The following TBL1Y variants were observed in gnomAD, a reference collection of about 807,000 sequenced individuals.
TBL1Y encodes transducin beta like 1 Y-linked.
TBL1Y carries 15 observed loss-of-function variants against 12.0 expected under a neutral mutation model. The observed-to-expected ratio is 1.25, with a 90% CI of 0.83 to 1.92. The LOEUF (loss-of-function observed/expected upper bound fraction) is 1.92, where lower values mean the gene tolerates loss of function less well. TBL1Y is among the 40% of genes most tolerant of loss of function. The probability of loss-of-function intolerance (pLI) is 0.00; values close to 1 mark genes in which losing one functional copy is unlikely to be tolerated. For synonymous variants in TBL1Y, 53 were observed against 42.6 expected (o/e 1.24, Z -0.95); for missense variants, 148 against 116.7 (o/e 1.27, Z -1.24).
chrY:6,966,833 TTCTCTC>T (rs1569363835), intron 2 of TBL1Y, among the ~76,000 whole-genome samples: 11 of 31,116 alleles, frequency 3.5e-4, no homozygotes, highest in African/African-American at 1.1e-3. Flanking sequence ...CAGAGCAGTC[TTCTCTC>T]TCTCTCTCTC....
At chrY:7,023,290 G>A in intron 5 of TBL1Y, among the ~76,000 whole-genome samples, 1 of 32,761 alleles carries the variant, frequency 3.1e-5, no homozygotes, top group Non-Finnish European at 7.4e-5. Flanking sequence ...GATGTGTGTG[G>A]TTTCAACACA....
chrY:7,031,003 A>C, intron 6 of TBL1Y, among the ~76,000 whole-genome samples: 2 of 33,555 alleles, frequency 6.0e-5, no homozygotes, highest in Non-Finnish European at 1.5e-4. Context: ...GATAAGAGAC[A>C]GATAATAATA....
chrY:6,985,564 T>C, intron 3 of TBL1Y, among the ~76,000 whole-genome samples: 1 of 32,743 alleles, frequency 3.1e-5, no homozygotes, highest in Non-Finnish European at 7.5e-5. Context: ...GGCCCATAAC[T>C]TTCAGATGGT....
chrY:7,069,588 A>G (rs761821622), intron 8 of TBL1Y, among the ~76,000 whole-genome samples: 1 of 33,618 alleles, frequency 3.0e-5, no homozygotes, highest in Admixed American at 2.7e-4. Flanking sequence ...TGCTAGCCAC[A>G]CTTTATTTAT....
At chrY:6,971,410 C>G (rs2012205541) in intron 2 of TBL1Y, among the ~76,000 whole-genome samples, 1 of 32,520 alleles carries the variant, frequency 3.1e-5, no homozygotes, top group South Asian at 7.3e-4. Context: ...ACTTAAGAAA[C>G]CAGCCATAGA....
chrY:7,042,919 G>T, intron 6 of TBL1Y, 61 bp from the exon 7 acceptor site: 1 of 396,955 alleles, frequency 2.5e-6, no homozygotes, highest in Non-Finnish European at 3.5e-6. Context: ...GATCTCAATG[G>T]CTGCGCGTCC....
chrY:7,085,945 G>A lies in TBL1Y; in HGVS notation c.1125G>A (p.Ala375=), dbSNP rs776363567. The A allele has an allele frequency of 1.0e-5, 4 of 395,780 alleles. No individual in the cohort carries two copies. The highest frequency in any genetic ancestry group is 6.5e-5 in the African/African-American group (1 of 15,476). Residue 375 remains alanine (A), a synonymous_variant, in exon 15 of 19, where the codon GCG becomes GCA. Transcript: ENST00000383032. ...IKWDPSGMLL[A]SCSDDMTLKI... ...GGGATCCTTCTGGAATGTTGCTGGC[G>A]TCCTGCTCGGATGACATGACATTGA...
At chrY:7,003,865 T>C (rs2012468428) in intron 4 of TBL1Y, among the ~76,000 whole-genome samples, 1 of 33,242 alleles carries the variant, frequency 3.0e-5, no homozygotes, top group African/African-American at 1.2e-4. Context: ...TCCTCCTTTT[T>C]TTCTGACTGT....
intron 2 of TBL1Y, among the ~76,000 whole-genome samples, chrY:6,967,089 G>T: frequency 3.0e-5 from 1 of 33,233 alleles, no homozygotes; most frequent in Non-Finnish European, 7.4e-5. Context: ...CAGGGTGGTG[G>T]CCTCTGCGCA....
intron 4 of TBL1Y, among the ~76,000 whole-genome samples, chrY:7,002,804 C>T (rs981284438): frequency 3.0e-5 from 1 of 33,672 alleles, no homozygotes; most frequent in African/African-American, 1.2e-4. Flanking sequence ...GGGATATCTT[C>T]GTTTGCAGCT....
At position 7,058,042 on chromosome Y, in the gene TBL1Y, T is replaced by C. The variant is rs371121392; in HGVS notation, c.205-5855T>C. 4.8e-3 allele frequency among the ~76,000 whole-genome samples: 165 copies of C among 34,041 alleles called. No individual in the cohort carries two copies. In the South Asian group the frequency reaches 0.076, roughly 16 times the overall value. The allele number at this position is 34,041 out of a possible 37,273, so 91.3% of individuals were successfully genotyped here. On this transcript the variant is annotated intron_variant, in intron 7 of 18. Transcript: ENST00000383032. ...GACTCTAATTGTATCTAAAAAGATGTGAGAGTCAAAAGACCCTTAAGGGGC... is the reference window on the plus strand; with the variant it reads ...GACTCTAATTGTATCTAAAAAGATGCGAGAGTCAAAAGACCCTTAAGGGGC...
chrY:6,995,188 A>T (rs184049485), intron 3 of TBL1Y, among the ~76,000 whole-genome samples: 21 of 32,338 alleles, frequency 6.5e-4, no homozygotes, highest in African/African-American at 2.5e-3. Flanking sequence ...CTCTTACTTT[A>T]ACTTACTGCA....
chrY:7,087,782 C>T (rs1008579632), intron 17 of TBL1Y, among the ~76,000 whole-genome samples: 26 of 33,166 alleles, frequency 7.8e-4, no homozygotes, highest in Non-Finnish European at 3.0e-4. Flanking sequence ...CCTTCCTCTT[C>T]CTCTTCTTAG....
intron 17 of TBL1Y, among the ~76,000 whole-genome samples, chrY:7,089,588 C>T: frequency 3.0e-4 from 10 of 33,309 alleles, no homozygotes; most frequent in African/African-American, 8.2e-4. Context: ...GTTGGGAGTT[C>T]GAGACCAGCC....
At chrY:6,930,533 T>C (rs113077311) in intron 2 of TBL1Y, among the ~76,000 whole-genome samples, 4 of 33,571 alleles carry the variant, frequency 1.2e-4, no homozygotes, top group African/African-American at 4.7e-4. Flanking sequence ...TGAAGCCAGC[T>C]GGGCTTCTGA....
intron 3 of TBL1Y, among the ~76,000 whole-genome samples, chrY:6,984,642 C>T (rs2012306012): frequency 3.0e-5 from 1 of 33,633 alleles, no homozygotes; most frequent in Admixed American, 2.7e-4. Flanking sequence ...TGGTACCACT[C>T]GAACCTCTTT....
chrY:6,973,708 C>T (rs2012222180), intron 2 of TBL1Y, among the ~76,000 whole-genome samples: 1 of 33,118 alleles, frequency 3.0e-5, no homozygotes, highest in Non-Finnish European at 7.4e-5. Context: ...ACATTCTCTG[C>T]AGATGTTGCT....
intron 3 of TBL1Y, among the ~76,000 whole-genome samples, chrY:6,988,533 G>A: frequency 9.8e-5 from 3 of 30,757 alleles, no homozygotes; most frequent in Admixed American, 6.1e-4. Flanking sequence ...GGAGGTGCGC[G>A]CCTGTAATCC....
intron 2 of TBL1Y, among the ~76,000 whole-genome samples, chrY:6,923,356 C>T: frequency 3.0e-5 from 1 of 33,175 alleles, no homozygotes; most frequent in African/African-American, 1.2e-4. Context: ...TGTGAGCCAC[C>T]GCGCCCGGCT....
Sources: gnomAD v4.1 joint callset for allele counts (sites outside exome capture counted in the v4.1 genomes callset) on GRCh38, gnomAD v4.1.1 for gene constraint, MANE v1.5 for transcripts, NCBI Gene and HGNC (gene_info 2026-07-23, HGNC 2026-07-21) for gene names.